The following LZTS2 variants were observed in gnomAD, a reference collection of about 807,000 sequenced individuals.
LZTS2 encodes leucine zipper putative tumor suppressor 2.
In LZTS2, 32 loss-of-function variants were observed where a neutral mutation model predicts 60.6. That is an observed-to-expected ratio of 0.53 (90% confidence interval 0.40 to 0.71). The LOEUF (loss-of-function observed/expected upper bound fraction) is 0.71, where lower values mean the gene tolerates loss of function less well. Among genes scored for constraint, LZTS2 ranks in the 30% least tolerant of loss-of-function variants. LZTS2 has a pLI of 0.00. For missense variants in LZTS2, 792 were observed against 901.9 expected (o/e 0.88, Z 1.56); for synonymous variants, 360 against 393.1 (o/e 0.92, Z 1.00).
chr10:100,997,016 A>T (rs1851929203), upstream of LZTS2: 1 of 151,186 alleles, frequency 6.6e-6, no homozygotes, highest in African/African-American at 2.4e-5. Flanking sequence ...GGGGCAGACC[A>T]CTCCCCTCCC....
chr10:101,007,184 G>A (rs1357597483), exon 4 of LZTS2: 2 of 1,537,608 alleles, frequency 1.3e-6, no homozygotes, highest in African/African-American at 1.4e-5. Context: ...TCAGCAACCA[G>A]CTCTGTAGGG....
chr10:101,007,331 C>T, exon 4 of LZTS2: 2 of 1,417,998 alleles, frequency 1.4e-6, no homozygotes, highest in South Asian at 1.6e-5. Flanking sequence ...CTCAGGGTGG[C>T]CCTATGACTT....
At chr10:101,003,370 TG>T in intron 1 of LZTS2, 136 bp from the exon 3 acceptor site, 1 of 809,956 alleles carries the variant, frequency 1.2e-6, no homozygotes, top group Non-Finnish European at 1.9e-6. Flanking sequence ...CTGACACTGG[TG>T]GCCACCTCCA....
exon 2 of LZTS2, chr10:101,004,099 G>C (rs761998754): frequency 1.9e-6 from 3 of 1,613,116 alleles, no homozygotes; most frequent in Non-Finnish European, 2.5e-6. Flanking sequence ...GGAAAGCTCC[G>C]AGACCGGGAG....
chr10:101,005,518 G>A, exon 3 of LZTS2: 1 of 1,603,886 alleles, frequency 6.2e-7, no homozygotes, highest in Non-Finnish European at 8.5e-7. Flanking sequence ...AGAGGACTGT[G>A]CGGCCCAGGC....
exon 4 of LZTS2, chr10:101,006,630 G>A (rs377030384): frequency 2.3e-5 from 37 of 1,593,426 alleles, no homozygotes; most frequent in South Asian, 1.3e-4. Context: ...AGTGAGGGCC[G>A]TGCGCGGGGT....
At chr10:101,006,681 C>T (rs768627717) in exon 4 of LZTS2, 1 of 1,594,298 alleles carries the variant, frequency 6.3e-7, no homozygotes, top group Non-Finnish European at 8.5e-7. Context: ...GAGCTGGAAG[C>T]CTGTTCCCAG....
chr10:101,007,349 C>T (rs1458612743), exon 4 of LZTS2: 4 of 1,416,170 alleles, frequency 2.8e-6, no homozygotes, highest in Admixed American at 3.0e-5. Context: ...CTTGGAGGAG[C>T]AAGATCAGAC....
At chr10:101,004,210 C>G in intron 2 of LZTS2, 44 bp downstream of exon 3, 1 of 1,549,978 alleles carries the variant, frequency 6.5e-7, no homozygotes, top group East Asian at 2.3e-5. Flanking sequence ...GGCAGGACAT[C>G]CCAAGGCCCT....
exon 2 of LZTS2, chr10:101,003,974 G>T (rs747792560): frequency 6.2e-7 from 1 of 1,612,086 alleles, no homozygotes; most frequent in Admixed American, 1.7e-5. Flanking sequence ...TGGCTGGGGG[G>T]CTTTTGGGCA....
upstream of LZTS2, chr10:100,999,396 C>G (rs983580755): frequency 6.6e-6 from 1 of 152,246 alleles, no homozygotes; most frequent in Non-Finnish European, 1.5e-5. Context: ...GGGGGACGGC[C>G]GGCCATCGGC....
In LZTS2 at chr10:101,005,724, G is replaced by A. The variant is rs888482788; in HGVS notation, c.1326+9G>A. ...AGGAGACCAAGTGGGAGGTGGGCCA[G>A]ACCAGGAGGGGCAGGGAGCAGGGTC... On this transcript the variant is annotated intron_variant, in intron 3 of 3. Coordinates refer to ENST00000370220, the Ensembl canonical transcript of LZTS2. 115 of 1,551,732 alleles carry A rather than the reference G, an allele frequency of 7.4e-5. No individual in the cohort carries two copies. Among genetic ancestry groups the A allele is most frequent in the Non-Finnish European group, 9.8e-5 (112 of 1,143,966 alleles).
At chr10:101,002,518 C>T in exon 1 of LZTS2, 1 of 1,502,208 alleles carries the variant, frequency 6.7e-7, no homozygotes, top group Non-Finnish European at 8.9e-7. Context: ...GGCCGCTGGC[C>T]AGGCCTGAGC....
At chr10:101,004,922 C>T (rs906160933) in intron 2 of LZTS2, among the ~76,000 whole-genome samples, 3 of 152,052 alleles carry the variant, frequency 2.0e-5, no homozygotes, top group African/African-American at 7.2e-5. Flanking sequence ...GGTCGCGAAC[C>T]CCTGGCCTCA....
chr10:101,002,387 T>G, exon 1 of LZTS2: 1 of 628,724 alleles, frequency 1.6e-6, no homozygotes, highest in Non-Finnish European at 2.5e-6. Context: ...GGGGGAGTCT[T>G]GGTGGGGATC....
exon 1 of LZTS2, chr10:101,002,384 T>G: frequency 2.3e-5 from 14 of 600,156 alleles, no homozygotes; most frequent in South Asian, 7.7e-5. Flanking sequence ...GAAGGGGGAG[T>G]CTTGGTGGGG....
exon 2 of LZTS2, chr10:101,003,611 G>C (rs371096288): frequency 1.8e-5 from 28 of 1,599,476 alleles, no homozygotes; most frequent in Admixed American, 3.4e-5. Context: ...GGGCCACCGG[G>C]CTGTCTGGGA....
exon 1 of LZTS2, chr10:101,002,347 G>C: frequency 2.0e-6 from 1 of 503,912 alleles, no homozygotes; most frequent in East Asian, 3.3e-5. Context: ...TGGGGCCCAG[G>C]GGGAATTGAG....
exon 2 of LZTS2, chr10:101,004,049 A>G (rs769767777): frequency 6.2e-7 from 1 of 1,613,014 alleles, no homozygotes; most frequent in Non-Finnish European, 8.5e-7. Flanking sequence ...CCCCGCCTCC[A>G]CCTCCTTCGG....
Sources: gnomAD v4.1 joint callset for allele counts (sites outside exome capture counted in the v4.1 genomes callset) on GRCh38, gnomAD v4.1.1 for gene constraint, MANE v1.5 for transcripts, NCBI Gene and HGNC (gene_info 2026-07-23, HGNC 2026-07-21) for gene names.